Variants in CCDC15 observed in about 807,000 individuals in gnomAD.
The protein encoded by CCDC15 is coiled-coil domain containing 15.
In CCDC15, 105 loss-of-function variants were observed where a neutral mutation model predicts 114.5. The observed-to-expected ratio is 0.92, with a 90% CI of 0.78 to 1.08. The LOEUF is 1.08. CCDC15 is among the 50% of genes least tolerant of loss of function. The probability of loss-of-function intolerance (pLI) is 0.00; values close to 1 mark genes in which losing one functional copy is unlikely to be tolerated. For synonymous variants in CCDC15, 334 were observed against 377.8 expected, an observed-to-expected ratio of 0.88 and a Z score of 1.34; for missense variants, 1,105 against 1,093.6, an observed-to-expected ratio of 1.01 and a Z score of -0.15.
At chr11:125,024,036 T>A (rs1948679054) in intron 13 of CCDC15, among the ~76,000 whole-genome samples, 1 of 151,942 alleles carries the variant, frequency 6.6e-6, no homozygotes, top group South Asian at 2.1e-4. Context: ...TCAAATCACA[T>A]TATGGTGGTG....
chr11:125,012,360 C>T (rs1948598506), intron 13 of CCDC15, among the ~76,000 whole-genome samples: 1 of 152,184 alleles, frequency 6.6e-6, no homozygotes, highest in Non-Finnish European at 1.5e-5. Flanking sequence ...TGCATTTATT[C>T]AGAAAACATT....
intron 4 of CCDC15, among the ~76,000 whole-genome samples, chr11:124,963,927 G>T (rs1411268486): frequency 6.6e-6 from 1 of 152,152 alleles, no homozygotes; most frequent in African/African-American, 2.4e-5. Context: ...GCTTTTGTCA[G>T]ATTTGTCAAA....
At chr11:124,963,753 A>G (rs949442675) in intron 4 of CCDC15, among the ~76,000 whole-genome samples, 4 of 152,060 alleles carry the variant, frequency 2.6e-5, no homozygotes, top group African/African-American at 9.7e-5. Context: ...CTAGGTTTTC[A>G]TCTAGAGTTT....
chr11:124,968,047 G>A (rs2135445211), intron 4 of CCDC15, among the ~76,000 whole-genome samples: 1 of 152,252 alleles, frequency 6.6e-6, no homozygotes, highest in East Asian at 1.9e-4. Flanking sequence ...AGGGCACCTG[G>A]CTGTGTGAGG....
rs557493879 is a variant in CCDC15 at position 124,987,330 on chromosome 11, G to A, written c.1104G>A (p.Gln368=). ...CCCAGGCTGTTGAAATGAAGGTTCA[G>A]GTTACTGAGCCAGAAGGCCAGGCCA... ...PDTQAVEMKV[Q]VTEPEGQAIE... is the part of the protein sequence containing the mutation. Residue 368 remains glutamine (Q), a synonymous_variant, in exon 8 of 16, where the codon CAG becomes CAA. Transcript: ENST00000344762. 1 of 1,613,822 alleles carries A rather than the reference G, an allele frequency of 6.2e-7. No individual in the cohort carries two copies. The highest frequency in any genetic ancestry group is 1.3e-5 in the African/African-American group (1 of 75,028).
At chr11:124,988,889 C>T (rs1383325815) in intron 8 of CCDC15, among the ~76,000 whole-genome samples, 3 of 152,238 alleles carry the variant, frequency 2.0e-5, no homozygotes, top group Admixed American at 2.0e-4. Flanking sequence ...CTTGCTGTTT[C>T]TACCACATTA....
chr11:125,018,174 A>G (rs937382366), intron 13 of CCDC15, among the ~76,000 whole-genome samples: 5 of 152,126 alleles, frequency 3.3e-5, no homozygotes, highest in Admixed American at 3.3e-4. Flanking sequence ...TGCATGCTCC[A>G]TTCATGGTAA....
Position 125,039,039 on chromosome 11 carries a change from A to G in CCDC15, c.2704A>G (p.Asn902Asp). 1.2e-6 allele frequency: 2 copies of G among 1,606,256 alleles called. No individual in the cohort carries two copies. The highest frequency in any genetic ancestry group is 1.7e-6 in the Non-Finnish European group (2 of 1,174,810). The change falls in exon 15 of 16, where the codon AAC (asparagine) becomes GAC (aspartate). Residue 902 changes from asparagine (N) to aspartate (D), a missense_variant. By Grantham distance (23) the Asn-to-Asp change is conservative (BLOSUM62 1). Coordinates refer to ENST00000344762, the MANE Select transcript of CCDC15 (RefSeq NM_025004.3). ...GGATGCTCATCCTGATACCTGTGCC[A>G]ACAACTGTATTTTCTATAAAAACCA... is the stretch of plus-strand genomic sequence containing the variant. The part of the protein sequence containing the change: ...FWDAHPDTCA[N>D]NCIFYKNHRA...
intron 5 of CCDC15, among the ~76,000 whole-genome samples, chr11:124,975,546 A>G (rs1205482814): frequency 6.6e-6 from 1 of 152,208 alleles, no homozygotes; most frequent in African/African-American, 2.4e-5. Context: ...GCATTGTTCT[A>G]GAAACAGGAC....
intron 13 of CCDC15, among the ~76,000 whole-genome samples, chr11:125,013,231 A>G (rs1046568292): frequency 6.6e-6 from 1 of 152,184 alleles, no homozygotes. Flanking sequence ...CTCAAGCTAC[A>G]TCTTAAAGGA....
At chr11:124,958,605 G>A (rs906993390) in intron 2 of CCDC15, among the ~76,000 whole-genome samples, 2 of 152,092 alleles carry the variant, frequency 1.3e-5, no homozygotes, top group East Asian at 3.8e-4. Context: ...AATCTAGTAG[G>A]GGAGTCAAGA....
rs372959942 is a variant in CCDC15, at chr11:125,030,761, G to A, written c.2412-7670G>A. 1.3e-4 allele frequency among the ~76,000 whole-genome samples: 20 copies of A among 152,286 alleles called. No homozygotes were observed. In the South Asian group the frequency reaches 2.7e-3, roughly 21 times the overall value. ...GCAGTCCATGTTGCTGAGCCCATGC[G>A]TAACCTCCATCCCTGCCACCATGGC... is the stretch of plus-strand genomic sequence containing the variant. On this transcript the variant is annotated intron_variant, in intron 13 of 15. Transcript: ENST00000344762.
Position 125,003,612 on chromosome 11 carries a change from T to G in CCDC15, c.2215-255T>G, listed in dbSNP as rs73020391. Among the ~76,000 whole-genome samples, 766 of 152,124 alleles carry G rather than the reference T, an allele frequency of 5.0e-3. 4 individuals are homozygous for G. The highest frequency in any genetic ancestry group is 8.1e-3 in the Non-Finnish European group (548 of 67,868). ...TTAAAAGAATTTTCATTCTGAACATTTTAATTTTTTGTTTATTCATGTTTT... is the reference window on the plus strand; with the variant it reads ...TTAAAAGAATTTTCATTCTGAACATGTTAATTTTTTGTTTATTCATGTTTT... On this transcript the variant is annotated intron_variant, in intron 11 of 15. Coordinates refer to ENST00000344762, the MANE Select transcript of CCDC15 (RefSeq NM_025004.3).
intron 13 of CCDC15, among the ~76,000 whole-genome samples, chr11:125,017,173 TA>T (rs1021605650): frequency 2.0e-5 from 3 of 152,202 alleles, no homozygotes; most frequent in Non-Finnish European, 2.9e-5. Flanking sequence ...ACTCAGTTGT[TA>T]TAAGAATAAA....
chr11:125,029,899 G>T (rs1437347029), intron 13 of CCDC15, among the ~76,000 whole-genome samples: 1 of 152,164 alleles, frequency 6.6e-6, no homozygotes, highest in Non-Finnish European at 1.5e-5. Flanking sequence ...TACCTCTGTT[G>T]TGGAGTAGTA....
intron 14 of CCDC15, 111 bp downstream of exon 14, chr11:125,038,715 C>T: frequency 8.2e-7 from 1 of 1,226,352 alleles, no homozygotes; most frequent in Non-Finnish European, 1.1e-6. Flanking sequence ...TACTTTTCCT[C>T]ATTTAGGAGT....
rs1349055565 is a variant in CCDC15, at chr11:125,025,075, A to AATATATATATGAAT, written c.2412-13348_2412-13347insATGAATATATATAT. Among the ~76,000 whole-genome samples, 70 of 57,496 alleles carry AATATATATATGAAT rather than the reference A, an allele frequency of 1.2e-3. 2 individuals are homozygous for AATATATATATGAAT. The highest frequency in any genetic ancestry group is 2.9e-3 in the African/African-American group (44 of 15,064). 37.7% of individuals were successfully genotyped at this position (57,496 alleles called of 152,430 possible). A position where few individuals can be genotyped will look rare whatever the true frequency, so the allele number is the denominator to read the frequency against. ...ATATGAATATATATATGAATATATG[A>AATATATATATGAAT]ATATATATGAATATATATATGAATA... On this transcript the variant is annotated intron_variant, in intron 13 of 15. Transcript: ENST00000344762.
Position 124,987,295 on chromosome 11 carries a change from A to C in CCDC15, c.1069A>C (p.Lys357Gln). 6.2e-7 allele frequency: 1 copy of C among 1,610,452 alleles called. No homozygotes were observed. Among genetic ancestry groups the C allele is most frequent in the East Asian group, 2.2e-5 (1 of 44,864 alleles). ...QGDLTGIQSV[K>Q]PDTQAVEMKV... ...TGATTTGACAGGAATCCAGAGTGTTAAGCCAGATACCCAGGCTGTTGAAAT... is the reference window on the plus strand; with the variant it reads ...TGATTTGACAGGAATCCAGAGTGTTCAGCCAGATACCCAGGCTGTTGAAAT... Residue 357 changes from lysine to glutamine, a missense_variant, in exon 8 of 16, where the codon AAG (lysine) becomes CAG (glutamine). Coordinates refer to ENST00000344762, the MANE Select transcript of CCDC15 (RefSeq NM_025004.3).
At chr11:125,034,115 C>T (rs901170613) in intron 13 of CCDC15, among the ~76,000 whole-genome samples, 1 of 152,160 alleles carries the variant, frequency 6.6e-6, no homozygotes, top group South Asian at 2.1e-4. Context: ...TCACTGTTGC[C>T]TCAGGCAGCA....
Sources: gnomAD v4.1 joint callset for allele counts (sites outside exome capture counted in the v4.1 genomes callset) on GRCh38, gnomAD v4.1.1 for gene constraint, MANE v1.5 for transcripts, NCBI Gene and HGNC (gene_info 2026-07-23, HGNC 2026-07-21) for gene names.